The following LRRC8C variants were observed in gnomAD, a reference collection of about 807,000 sequenced individuals.
LRRC8C encodes the protein volume-regulated anion channel subunit LRRC8C.
Under a neutral mutation model 55.3 loss-of-function variants are expected in LRRC8C, and 20 were observed. The observed-to-expected ratio is 0.36, with a 90% CI of 0.25 to 0.53. The LOEUF (loss-of-function observed/expected upper bound fraction) is 0.53, where lower values mean the gene tolerates loss of function less well. Among genes scored for constraint, LRRC8C ranks in the 20% least tolerant of loss-of-function variants. LRRC8C has a pLI of 0.92. For synonymous variants in LRRC8C, 376 were observed against 360.7 expected, an observed-to-expected ratio of 1.04 and a Z score of -0.48; for missense variants, 659 against 951.4, an observed-to-expected ratio of 0.69 and a Z score of 4.04.
At position 89,713,864 on chromosome 1, in the gene LRRC8C, A is replaced by G. The variant is rs1330180240; in HGVS notation, c.1294A>G (p.Met432Val). Residue 432 changes from methionine to valine, a missense_variant, in exon 3 of 3, where the codon ATG becomes GTG. Physicochemically the swap from Met to Val is conservative, Grantham distance 21. Around this residue, in one of 5 missense-constraint regions of LRRC8C, gnomAD observed 344 missense variants for 464.6 expected, o/e 0.74. Coordinates refer to ENST00000370454, the MANE Select transcript of LRRC8C (RefSeq NM_032270.5). This position sits in a 1 kb window ranked among gnomAD's most constrained non-coding sequence, Gnocchi z 5.2. ...TAATCGACTGGAATTGCCTCTTATC[A>G]TGCTCTCTGGCCTTCCAGACACTGT... Reference protein sequence around the residue: ...AHNRLELPLIMLSGLPDTVFE... With the variant: ...AHNRLELPLIVLSGLPDTVFE... The G allele has an allele frequency of 1.2e-6, 2 of 1,614,184 alleles. No homozygotes were observed. Among genetic ancestry groups the G allele is most frequent in the Non-Finnish European group, 8.5e-7 (1 of 1,179,996 alleles).
intron 2 of LRRC8C, chr1:89,706,193 C>T (rs1021540338): frequency 1.4e-5 from 6 of 432,660 alleles, no homozygotes; most frequent in Non-Finnish European, 2.8e-5. Context: ...GTAGATACTA[C>T]TGCAGAATGA....
the LRRC8C span, among the ~76,000 whole-genome samples, chr1:89,623,521 G>T: frequency 6.6e-6 from 1 of 152,138 alleles, no homozygotes; most frequent in Non-Finnish European, 1.5e-5. Context: ...AGGAGATCAA[G>T]ACCATCCTGG....
intron 1 of LRRC8C, among the ~76,000 whole-genome samples, chr1:89,670,695 T>C (rs572471358): frequency 6.6e-6 from 1 of 152,356 alleles, no homozygotes; most frequent in African/African-American, 2.4e-5. Flanking sequence ...AGCTTTTGAA[T>C]AGCAAGTTGC....
At chr1:89,630,709 G>A (rs1461132345), upstream of LRRC8C, among the ~76,000 whole-genome samples, 1 of 152,138 alleles carries the variant, frequency 6.6e-6, no homozygotes, top group Non-Finnish European at 1.5e-5. Flanking sequence ...CCCTGAAGTC[G>A]GAGAATAAGC....
At chr1:89,637,635 A>G (rs7552896) in intron 1 of LRRC8C, among the ~76,000 whole-genome samples, 91,699 of 151,800 alleles carry the variant, frequency 0.6, 28,391 homozygotes, top group East Asian at 0.79. Flanking sequence ...AACTAATGTC[A>G]CCTTGGACAT....
the LRRC8C span, among the ~76,000 whole-genome samples, chr1:89,622,608 C>T: frequency 2.6e-5 from 4 of 152,176 alleles, no homozygotes; most frequent in East Asian, 3.9e-4. Context: ...GCTGGGATTA[C>T]AGGGGTGAGC....
At chr1:89,643,890 A>G (rs994393750) in intron 1 of LRRC8C, among the ~76,000 whole-genome samples, 1 of 152,232 alleles carries the variant, frequency 6.6e-6, no homozygotes, top group African/African-American at 2.4e-5. Context: ...TAACATAACA[A>G]TCAAACATTT....
chr1:89,636,760 A>G (rs2101173159), intron 1 of LRRC8C, among the ~76,000 whole-genome samples: 1 of 151,924 alleles, frequency 6.6e-6, no homozygotes, highest in South Asian at 2.1e-4. Flanking sequence ...GACAACACGT[A>G]CCCCTCCAAA....
chr1:89,645,728 C>T lies in LRRC8C; in HGVS notation c.-5+12406C>T, dbSNP rs541304406. ...TATTATTGAAATATTAGAGTGTTTTCTCTGAACCCAATAGAATTAAATTAG... is the reference window on the plus strand; with the variant it reads ...TATTATTGAAATATTAGAGTGTTTTTTCTGAACCCAATAGAATTAAATTAG... On this transcript the variant is annotated intron_variant, in intron 1 of 2. Transcript: ENST00000370454. Among the ~76,000 whole-genome samples, 3 of 152,134 alleles carry T rather than the reference C, an allele frequency of 2.0e-5. No homozygotes were observed. The South Asian group carries it at 6.2e-4, about 32-fold the overall frequency.
chr1:89,651,595 C>T (rs115215243), intron 1 of LRRC8C, among the ~76,000 whole-genome samples: 3,492 of 140,206 alleles, frequency 0.025, 155 homozygotes, highest in African/African-American at 0.089. Context: ...AAAAAAGCAA[C>T]GTAGACCACA....
At chr1:89,711,001 A>G (rs1432336990) in intron 2 of LRRC8C, among the ~76,000 whole-genome samples, 1 of 152,226 alleles carries the variant, frequency 6.6e-6, no homozygotes. Flanking sequence ...TTAAGATGGC[A>G]ATTAATAGAA....
chr1:89,626,423 G>A, the LRRC8C span: 1 of 152,146 alleles, frequency 6.6e-6, no homozygotes, highest in African/African-American at 2.4e-5. Context: ...TAAGGGCTCA[G>A]TCCCACAAGA....
intron 1 of LRRC8C, among the ~76,000 whole-genome samples, chr1:89,648,001 T>C (rs1656660384): frequency 6.6e-6 from 1 of 152,182 alleles, no homozygotes; most frequent in African/African-American, 2.4e-5. Flanking sequence ...CCCAGGAGAC[T>C]GAGGCTGCAG....
chr1:89,698,186 C>G (rs1658225521), intron 2 of LRRC8C, among the ~76,000 whole-genome samples: 1 of 152,110 alleles, frequency 6.6e-6, no homozygotes, highest in African/African-American at 2.4e-5. Flanking sequence ...TATCACTTGG[C>G]AGTTAGGAGA....
At chr1:89,696,659 A>G (rs923470066) in intron 2 of LRRC8C, among the ~76,000 whole-genome samples, 15 of 152,074 alleles carry the variant, frequency 9.9e-5, no homozygotes, top group African/African-American at 3.6e-4. Flanking sequence ...AAAAAGGGAG[A>G]CTTCCAAATG....
chr1:89,690,855 C>T (rs556355615), intron 2 of LRRC8C, among the ~76,000 whole-genome samples: 2 of 152,322 alleles, frequency 1.3e-5, no homozygotes, highest in Admixed American at 6.5e-5. Flanking sequence ...CCTGCTCAGA[C>T]AGGTTAACTA....
chr1:89,645,641 A>G (rs1367145941), intron 1 of LRRC8C, among the ~76,000 whole-genome samples: 2 of 152,164 alleles, frequency 1.3e-5, no homozygotes, highest in Non-Finnish European at 2.9e-5. Context: ...ATTAAAATAC[A>G]TGTCATAGAG....
At chr1:89,649,835 T>G (rs1053608413) in intron 1 of LRRC8C, among the ~76,000 whole-genome samples, 5 of 152,234 alleles carry the variant, frequency 3.3e-5, no homozygotes, top group Admixed American at 2.6e-4. Context: ...TAACTCTTTC[T>G]TATCACACAC....
chr1:89,626,960 G>GACACACACACACACACACACAC, the LRRC8C span: 3 of 122,678 alleles, frequency 2.4e-5, no homozygotes, highest in Non-Finnish European at 3.4e-5. Context: ...CTCTAGTCTA[G>GACACACACACACACACACACAC]ACACACACAC....
Sources: gnomAD v4.1 joint callset for allele counts (sites outside exome capture counted in the v4.1 genomes callset) on GRCh38, gnomAD v4.1.1 for gene constraint, gnomAD v4.1.1 regional missense constraint, Gnocchi (gnomAD v3.1) non-coding constraint, MANE v1.5 for transcripts, NCBI Gene and HGNC (gene_info 2026-07-23, HGNC 2026-07-21) for gene names.